KITLG: variants seen among roughly 807,000 people sequenced by gnomAD.
The protein encoded by KITLG is KIT ligand, also known as c-Kit ligand.
In KITLG, 13 loss-of-function variants were observed where a neutral mutation model predicts 34.1. The ratio of observed to expected loss-of-function variants is 0.38; its 90% CI spans 0.25 to 0.61. The LOEUF is 0.61. Ranked by LOEUF, KITLG falls within the 20% of genes least tolerant of loss-of-function variation. The probability of loss-of-function intolerance (pLI) is 0.60; values close to 1 mark genes in which losing one functional copy is unlikely to be tolerated. For missense variants in KITLG, 292 were observed against 318.9 expected (o/e 0.92, Z 0.64); for synonymous variants, 110 against 104.0 (o/e 1.06, Z -0.35).
intron 1 of KITLG, chr12:88,579,984 C>A (rs1201420892): frequency 1.7e-6 from 1 of 581,018 alleles, no homozygotes; most frequent in Non-Finnish European, 3.1e-6. Context: ...TTCCACCAGA[C>A]GGGAATTACG....
chr12:88,554,927 T>C (rs1198531344), intron 1 of KITLG, among the ~76,000 whole-genome samples: 1 of 152,198 alleles, frequency 6.6e-6, no homozygotes, highest in Admixed American at 6.5e-5. Context: ...AGTAACTAAT[T>C]GAAACTCAGA....
intron 2 of KITLG, among the ~76,000 whole-genome samples, chr12:88,540,612 C>A (rs1441112026): frequency 1.3e-5 from 2 of 151,788 alleles, no homozygotes; most frequent in African/African-American, 4.8e-5. Flanking sequence ...CCAGCCTGGG[C>A]AACATAATGG....
In KITLG at chr12:88,496,087, A is replaced by T. The variant is rs1868630837; in HGVS notation, c.*1132T>A. 1 of 152,188 alleles carries T rather than the reference A, an allele frequency of 6.6e-6. No individual in the cohort carries two copies. Among genetic ancestry groups the T allele is most frequent in the Non-Finnish European group, 1.5e-5 (1 of 68,038 alleles). The allele number at this position is 152,188 out of a possible 1,614,324, so 9.4% of individuals were successfully genotyped here. On this transcript the variant is annotated 3_prime_UTR_variant, in exon 10 of 10. Coordinates refer to ENST00000644744, the MANE Select transcript of KITLG (RefSeq NM_000899.5). Reference sequence around the variant, plus strand: ...AATTCATAAACCTTAATGAATATAGAGTGCCCGATTTTAACTAAATGGATC... The same window carrying T: ...AATTCATAAACCTTAATGAATATAGTGTGCCCGATTTTAACTAAATGGATC...
chr12:88,550,121 A>G (rs1204015171), intron 1 of KITLG, among the ~76,000 whole-genome samples: 1 of 152,210 alleles, frequency 6.6e-6, no homozygotes, highest in East Asian at 1.9e-4. Context: ...GATGAGATTA[A>G]CCAGAAACAG....
Position 88,580,465 on chromosome 12 carries a change from G to A in KITLG, c.-187C>T, listed in dbSNP as rs912460237. ...TTCTAGTCTCGGCGCGAGGCGGCGA[G>A]CGAAGCCCGGCTGCTGAGCCGCCGG... is the stretch of plus-strand genomic sequence containing the variant. On this transcript the variant is annotated 5_prime_UTR_variant, in exon 1 of 10. Coordinates refer to ENST00000644744, the MANE Select transcript of KITLG (RefSeq NM_000899.5). The A allele has an allele frequency of 4.2e-6, 3 of 705,986 alleles. No individual in the cohort carries two copies. Among genetic ancestry groups the A allele is most frequent in the African/African-American group, 3.6e-5 (2 of 55,560 alleles). 43.7% of individuals were successfully genotyped at this position (705,986 alleles called of 1,614,324 possible).
At chr12:88,556,641 C>T (rs573078515) in intron 1 of KITLG, among the ~76,000 whole-genome samples, 1 of 152,266 alleles carries the variant, frequency 6.6e-6, no homozygotes, top group East Asian at 1.9e-4. Flanking sequence ...AAAAGTGGTG[C>T]TATCTGCTGA....
At position 88,580,429 on chromosome 12, in the gene KITLG, T is replaced by C. The variant is rs1871979710; in HGVS notation, c.-151A>G. ...CAGCGCCCTCTCCACTGTCCCTGCT[T>C]CCCGCAGCGCTTCTAGTCTCGGCGC... On this transcript the variant is annotated 5_prime_UTR_variant, in exon 1 of 10. Coordinates refer to ENST00000644744, the MANE Select transcript of KITLG (RefSeq NM_000899.5). 1 of 923,894 alleles carries C rather than the reference T, an allele frequency of 1.1e-6. No homozygotes were observed. Among genetic ancestry groups the C allele is most frequent in the Non-Finnish European group, 1.7e-6 (1 of 585,880 alleles). 57.2% of individuals were successfully genotyped at this position (923,894 alleles called of 1,614,324 possible). A position where few individuals can be genotyped will look rare whatever the true frequency, so the allele number is the denominator to read the frequency against.
chr12:88,496,086 G>GATTTT lies in KITLG; in HGVS notation c.*1132_*1133insAAAAT, dbSNP rs1256184105. On this transcript the variant is annotated 3_prime_UTR_variant, in exon 10 of 10. Transcript: ENST00000644744. Reference sequence around the variant, plus strand: ...TAATTCATAAACCTTAATGAATATAGAGTGCCCGATTTTAACTAAATGGAT... The same window carrying GATTTT: ...TAATTCATAAACCTTAATGAATATAGATTTTAGTGCCCGATTTTAACTAAATGGAT... 6.6e-6 allele frequency: 1 copy of GATTTT among 152,050 alleles called. No homozygotes were observed. The highest frequency in any genetic ancestry group is 2.4e-5 in the African/African-American group (1 of 41,402). 9.4% of individuals were successfully genotyped at this position (152,050 alleles called of 1,614,324 possible).
At chr12:88,576,727 C>T (rs1279325313) in intron 1 of KITLG, among the ~76,000 whole-genome samples, 1 of 152,070 alleles carries the variant, frequency 6.6e-6, no homozygotes, top group East Asian at 1.9e-4. Context: ...TTAGGTGTTT[C>T]TCATATATGC....
At chr12:88,573,456 G>T (rs1223796242) in intron 1 of KITLG, among the ~76,000 whole-genome samples, 2 of 152,120 alleles carry the variant, frequency 1.3e-5, no homozygotes, top group African/African-American at 4.8e-5. Flanking sequence ...TTCCTTAGAG[G>T]CAACCTGGTT....
At chr12:88,558,109 C>T (rs1871160232) in intron 1 of KITLG, among the ~76,000 whole-genome samples, 1 of 152,132 alleles carries the variant, frequency 6.6e-6, no homozygotes, top group South Asian at 2.1e-4. Flanking sequence ...ATCCCAAGTG[C>T]CCAATCTGAG....
At chr12:88,545,016 A>G (rs772632459) in intron 2 of KITLG, among the ~76,000 whole-genome samples, 3 of 152,162 alleles carry the variant, frequency 2.0e-5, no homozygotes, top group Non-Finnish European at 4.4e-5. Context: ...TTCATCCCGA[A>G]ATCATACATG....
intron 9 of KITLG, among the ~76,000 whole-genome samples, chr12:88,498,543 A>G (rs73439004): frequency 0.012 from 1,768 of 152,262 alleles, 32 homozygotes; most frequent in African/African-American, 0.041. Flanking sequence ...GTATTTTTTA[A>G]ATGTATAAAT....
At chr12:88,498,068 T>C (rs1202813024) in intron 9 of KITLG, among the ~76,000 whole-genome samples, 1 of 152,218 alleles carries the variant, frequency 6.6e-6, no homozygotes, top group African/African-American at 2.4e-5. Flanking sequence ...GTTTCAACTT[T>C]CCAGTAAAGT....
At chr12:88,535,579 A>T (rs1812006567) in intron 2 of KITLG, among the ~76,000 whole-genome samples, 1 of 152,174 alleles carries the variant, frequency 6.6e-6, no homozygotes, top group African/African-American at 2.4e-5. Context: ...GTATCCCATT[A>T]TTACGTCCTT....
chr12:88,516,721 T>C (rs891568096), intron 4 of KITLG, among the ~76,000 whole-genome samples: 2 of 147,380 alleles, frequency 1.4e-5, no homozygotes, highest in African/African-American at 2.5e-5. Flanking sequence ...TGGCAAAAAA[T>C]AAAATAAAAT....
chr12:88,513,237 G>A (rs1465863708), intron 6 of KITLG, among the ~76,000 whole-genome samples: 1 of 151,456 alleles, frequency 6.6e-6, no homozygotes. Context: ...ACAAGTTAAA[G>A]TGTATACTTT....
intron 8 of KITLG, 40 bp from the exon 9 acceptor site, chr12:88,505,275 C>T: frequency 1.3e-6 from 2 of 1,520,856 alleles, no homozygotes; most frequent in South Asian, 1.1e-5. Context: ...TGCTCTTGGT[C>T]AGAGATTCTG....
intron 1 of KITLG, among the ~76,000 whole-genome samples, chr12:88,558,400 A>G (rs993484888): frequency 2.6e-5 from 4 of 152,082 alleles, no homozygotes; most frequent in Non-Finnish European, 4.4e-5. Flanking sequence ...AACTGCTTCC[A>G]AATATCATCA....
Sources: gnomAD v4.1 joint callset for allele counts (sites outside exome capture counted in the v4.1 genomes callset) on GRCh38, gnomAD v4.1.1 for gene constraint, MANE v1.5 for transcripts, NCBI Gene and HGNC (gene_info 2026-07-23, HGNC 2026-07-21) for gene names.